Variants in RPH3A observed in about 807,000 individuals in gnomAD.
RPH3A encodes the protein rabphilin-3A.
RPH3A carries 48 observed loss-of-function variants against 102.2 expected under a neutral mutation model. The observed-to-expected ratio is 0.47, with a 90% CI of 0.37 to 0.60. The LOEUF is 0.60. Ranked by LOEUF, RPH3A falls within the 20% of genes least tolerant of loss-of-function variation. RPH3A has a pLI of 0.00. For synonymous variants in RPH3A, 310 were observed against 324.3 expected, an observed-to-expected ratio of 0.96 and a Z score of 0.47; for missense variants, 781 against 910.1, an observed-to-expected ratio of 0.86 and a Z score of 1.83.
At chr12:112,770,334 T>C (rs1295824985) in intron 1 of RPH3A, among the ~76,000 whole-genome samples, 1 of 147,700 alleles carries the variant, frequency 6.8e-6, no homozygotes, top group African/African-American at 2.6e-5. Context: ...GTTTCTTTCT[T>C]TCTTTTTTGT....
At chr12:112,785,016 A>G (rs2041036846) in intron 1 of RPH3A, among the ~76,000 whole-genome samples, 1 of 152,130 alleles carries the variant, frequency 6.6e-6, no homozygotes, top group Non-Finnish European at 1.5e-5. Context: ...TGAGGTCGGG[A>G]GTTCGAGACC....
chr12:112,828,151 G>T (rs1401540857), intron 2 of RPH3A, 150 bp from the exon 3 acceptor site: 1 of 631,510 alleles, frequency 1.6e-6, no homozygotes, highest in Non-Finnish European at 2.8e-6. Context: ...CCCTCTTAGG[G>T]TCTCAGACTC....
chr12:112,659,295 A>T lies in RPH3A; in HGVS notation c.-140+83976A>T, dbSNP rs544568388. ...TCACCTAGAATCAGGCATCACATTT[A>T]CTTGTCATATATCCTTAATCTCCTT... is the stretch of plus-strand genomic sequence containing the variant. On this transcript the variant is annotated intron_variant, in intron 1 of 21. Transcript: ENST00000543106. Among the ~76,000 whole-genome samples the T allele has an allele frequency of 6.6e-4, 100 of 152,344 alleles. 1 individual carries two copies. The highest frequency in any genetic ancestry group is 1.4e-3 in the Non-Finnish European group (92 of 68,044).
intron 13 of RPH3A, among the ~76,000 whole-genome samples, 156 bp downstream of exon 13, chr12:112,877,022 T>C (rs932426236): frequency 1.3e-5 from 2 of 152,230 alleles, no homozygotes; most frequent in Non-Finnish European, 2.9e-5. Context: ...AGTACAGATT[T>C]GTGTTTCTAA....
chr12:112,665,878 C>G (rs936271423), intron 1 of RPH3A, among the ~76,000 whole-genome samples: 2 of 152,156 alleles, frequency 1.3e-5, no homozygotes, highest in Admixed American at 6.5e-5. Flanking sequence ...GTTTCATAAA[C>G]TCAGATTTTA....
In RPH3A at chr12:112,890,032, T is replaced by C; in HGVS notation, c.1572T>C (p.Arg524=). The change falls in exon 18 of 22, where the codon CGT becomes CGC. Residue 524 remains arginine, a synonymous_variant. Coordinates refer to ENST00000389385, the MANE Select transcript of RPH3A (RefSeq NM_001143854.2). ...TGTTTTCTTCTTTTAAGATGAAACG[T>C]GCTGGGACCACCGGGTCAGCCCGAG... is the stretch of plus-strand genomic sequence containing the variant. ...ICLERVIPMK[R]AGTTGSARGM... is the part of the protein sequence containing the mutation. 6.2e-7 allele frequency: 1 copy of C among 1,613,702 alleles called. No homozygotes were observed. The highest frequency in any genetic ancestry group is 8.5e-7 in the Non-Finnish European group (1 of 1,179,966).
intron 1 of RPH3A, among the ~76,000 whole-genome samples, chr12:112,699,213 G>A (rs1565851712): frequency 2.0e-5 from 3 of 152,170 alleles, no homozygotes. Context: ...GAGCCACTGT[G>A]CCCAGCCTGA....
chr12:112,692,441 C>T (rs1187109575), intron 1 of RPH3A, among the ~76,000 whole-genome samples: 1 of 152,064 alleles, frequency 6.6e-6, no homozygotes, highest in Non-Finnish European at 1.5e-5. Context: ...TACAGTTATT[C>T]TGTGTCAATT....
chr12:112,840,248 T>C (rs1230025740), intron 4 of RPH3A, among the ~76,000 whole-genome samples: 3 of 152,218 alleles, frequency 2.0e-5, no homozygotes, highest in African/African-American at 7.2e-5. Flanking sequence ...TTTTGGTACC[T>C]ATATACAATG....
Position 112,865,554 on chromosome 12 carries a change from C to A in RPH3A, c.360+11C>A, listed in dbSNP as rs1302306281. The A allele has an allele frequency of 1.2e-6, 2 of 1,612,042 alleles. No homozygotes were observed. Among genetic ancestry groups the A allele is most frequent in the Non-Finnish European group, 1.7e-6 (2 of 1,179,474 alleles). ...GAGGACTGTAAGAAGGTATCATCAT[C>A]CTCTTCTCCCTTCTTCCCTGTGCAG... On this transcript the variant is annotated intron_variant, in intron 6 of 21. Transcript: ENST00000389385.
chr12:112,582,505 G>C (rs2039406985), intron 1 of RPH3A, among the ~76,000 whole-genome samples: 1 of 147,054 alleles, frequency 6.8e-6, no homozygotes, highest in African/African-American at 2.5e-5. Context: ...GAAGTGCAGT[G>C]TCGTGATCAT....
Position 112,840,982 on chromosome 12 carries a change from A to G in RPH3A, c.83+4480A>G, listed in dbSNP as rs1044284278. ...ACACCATCAGCATTTTAAGCCAGTG[A>G]TGGGCTGTTGGTGTCTCCATACTTT... is the stretch of plus-strand genomic sequence containing the variant. On this transcript the variant is annotated intron_variant, in intron 4 of 21. Coordinates refer to ENST00000389385, the MANE Select transcript of RPH3A (RefSeq NM_001143854.2). Among the ~76,000 whole-genome samples the G allele has an allele frequency of 3.3e-5, 5 of 151,828 alleles. No homozygotes were observed. The East Asian group carries it at 9.7e-4, about 29-fold the overall frequency.
chr12:112,850,169 C>A (rs2042299827), intron 5 of RPH3A, among the ~76,000 whole-genome samples: 2 of 152,220 alleles, frequency 1.3e-5, no homozygotes, highest in Admixed American at 6.5e-5. Flanking sequence ...AGATAAGCCA[C>A]TTTACCTCCC....
chr12:112,786,456 G>A (rs11613037), intron 1 of RPH3A, among the ~76,000 whole-genome samples: 3,595 of 152,286 alleles, frequency 0.024, 59 homozygotes, highest in Non-Finnish European at 0.029. Context: ...TCCCTGTGAT[G>A]AGTTGTGCTC....
chr12:112,723,983 A>G (rs1474895521), intron 1 of RPH3A, among the ~76,000 whole-genome samples: 3 of 152,160 alleles, frequency 2.0e-5, no homozygotes, highest in Non-Finnish European at 4.4e-5. Flanking sequence ...AACAAATGAT[A>G]AAATACTCAA....
At chr12:112,775,395 G>A (rs896953818) in intron 1 of RPH3A, among the ~76,000 whole-genome samples, 2 of 152,108 alleles carry the variant, frequency 1.3e-5, no homozygotes, top group Non-Finnish European at 1.5e-5. Context: ...CACTGTGTTA[G>A]GTCCTGGGAA....
rs1424598673 is a variant in RPH3A, at chr12:112,896,930, G to A, written c.*150G>A. On this transcript the variant is annotated 3_prime_UTR_variant, in exon 22 of 22. Coordinates refer to ENST00000389385, the MANE Select transcript of RPH3A (RefSeq NM_001143854.2). ...TGCCTTTGAGCCCCCGTCACGTTGG[G>A]CACTGCTGCCAAAGACTCCCTCCTC... 1.2e-5 allele frequency: 9 copies of A among 762,538 alleles called. No homozygotes were observed. The highest frequency in any genetic ancestry group is 1.9e-5 in the Non-Finnish European group (9 of 480,812). 47.2% of individuals were successfully genotyped at this position (762,538 alleles called of 1,614,324 possible). A position where few individuals can be genotyped will look rare whatever the true frequency, so the allele number is the denominator to read the frequency against.
At chr12:112,660,205 A>G (rs2040040285) in intron 1 of RPH3A, among the ~76,000 whole-genome samples, 3 of 152,200 alleles carry the variant, frequency 2.0e-5, no homozygotes, top group Admixed American at 1.3e-4. Flanking sequence ...TAATCAATCT[A>G]TATATATCAA....
chr12:112,896,612 T>C (rs1230842497), intron 21 of RPH3A, 38 bp from the exon 22 acceptor site: 1 of 1,613,076 alleles, frequency 6.2e-7, no homozygotes. Flanking sequence ...CGACCTCTAT[T>C]CTGACCACCT....
Sources: allele counts gnomAD v4.1 joint callset (sites outside exome capture counted in the v4.1 genomes callset), GRCh38; gene constraint gnomAD v4.1.1; transcripts MANE v1.5; gene names NCBI Gene and HGNC (gene_info 2026-07-23, HGNC 2026-07-21).